The following KANSL1L variants were observed in gnomAD, a reference collection of about 807,000 sequenced individuals.
KANSL1L encodes the protein KAT8 regulatory NSL complex subunit 1-like protein.
A neutral mutation model predicts 108.6 loss-of-function variants in KANSL1L; 25 were observed. The observed-to-expected ratio is 0.23, with a 90% CI of 0.17 to 0.32. KANSL1L has a LOEUF of 0.32. Among genes scored for constraint, KANSL1L ranks in the 10% least tolerant of loss-of-function variants. The pLI is 1.00. For missense variants in KANSL1L, 1,137 were observed against 1,125.7 expected (o/e 1.01, Z -0.14); for synonymous variants, 405 against 395.1 (o/e 1.03, Z -0.30).
chr2:210,058,350 A>G (rs1261908003), intron 6 of KANSL1L, among the ~76,000 whole-genome samples: 1 of 152,120 alleles, frequency 6.6e-6, no homozygotes, highest in African/African-American at 2.4e-5. Flanking sequence ...TCCTGATAAG[A>G]TGTTATCAAT....
At chr2:210,032,807 C>G (rs1176041056) in intron 8 of KANSL1L, 1 of 152,048 alleles carries the variant, frequency 6.6e-6, no homozygotes, top group Non-Finnish European at 1.5e-5. Flanking sequence ...AATCTGAATA[C>G]CAACACAATC....
intron 8 of KANSL1L, among the ~76,000 whole-genome samples, chr2:210,035,465 A>G (rs913977644): frequency 6.6e-6 from 1 of 152,132 alleles, no homozygotes; most frequent in African/African-American, 2.4e-5. Flanking sequence ...ATGCCAAGTT[A>G]TTTGTAGATA....
rs561622974 is a variant in KANSL1L at position 210,138,290 on chromosome 2, C to T, written c.1089-9118G>A. Among the ~76,000 whole-genome samples, 4 of 150,352 alleles carry T rather than the reference C, an allele frequency of 2.7e-5. No individual in the cohort carries two copies. The East Asian group carries it at 5.9e-4, about 22-fold the overall frequency. On this transcript the variant is annotated intron_variant, in intron 2 of 14. Transcript: ENST00000281772. ...TGGGTAAACATAGACATAAAGATGGCAACGATAGACACTGGGGACTAATGG... is the reference window on the plus strand; with the variant it reads ...TGGGTAAACATAGACATAAAGATGGTAACGATAGACACTGGGGACTAATGG...
At chr2:210,097,429 C>A in intron 5 of KANSL1L, 2 of 375,090 alleles carry the variant, frequency 5.3e-6, no homozygotes, top group Non-Finnish European at 7.3e-6. Context: ...AAAAATTAGA[C>A]AATGCACACA....
In KANSL1L at chr2:210,022,627, T is replaced by C; in HGVS notation, c.*322A>G. The C allele has an allele frequency of 3.5e-6, 1 of 285,328 alleles. No homozygotes were observed. 17.7% of individuals were successfully genotyped at this position (285,328 alleles called of 1,614,324 possible). A position where few individuals can be genotyped will look rare whatever the true frequency, so the allele number is the denominator to read the frequency against. On this transcript the variant is annotated 3_prime_UTR_variant, in exon 15 of 15. Coordinates refer to ENST00000281772, the MANE Select transcript of KANSL1L (RefSeq NM_152519.4). ...GTATGTATGTGTATATATATATGTA[T>C]GTATGTATGGTGTGGGTACATAGTC...
At chr2:210,090,924 A>G (rs1173053430) in intron 5 of KANSL1L, among the ~76,000 whole-genome samples, 1 of 152,220 alleles carries the variant, frequency 6.6e-6, no homozygotes, top group Non-Finnish European at 1.5e-5. Context: ...TAATGTTTGT[A>G]TTAATTTACA....
At chr2:210,055,719 C>T (rs1209934426) in intron 6 of KANSL1L, among the ~76,000 whole-genome samples, 2 of 152,090 alleles carry the variant, frequency 1.3e-5, no homozygotes, top group African/African-American at 4.8e-5. Flanking sequence ...TACTCCTGGC[C>T]AAGAGATCTG....
At chr2:210,041,554 G>A (rs560169894) in intron 7 of KANSL1L, among the ~76,000 whole-genome samples, 2 of 152,258 alleles carry the variant, frequency 1.3e-5, no homozygotes, top group South Asian at 4.2e-4. Flanking sequence ...TCCCACCTCA[G>A]CCTCTCAAGT....
chr2:210,052,100 C>T lies in KANSL1L; in HGVS notation c.1756-7996G>A, dbSNP rs536118200. Among the ~76,000 whole-genome samples the T allele has an allele frequency of 4.6e-4, 69 of 150,898 alleles. 1 individual carries two copies. The highest frequency in any genetic ancestry group is 7.7e-4 in the Non-Finnish European group (52 of 67,862). ...ACTCACTGCAGCCTCTACTGCCTGG[C>T]TCAAGCAATCCTCCCACCTTATCCT... On this transcript the variant is annotated intron_variant, in intron 6 of 14. Transcript: ENST00000281772.
Position 210,027,227 on chromosome 2 carries a change from G to T in KANSL1L, c.2451+69C>A, listed in dbSNP as rs1028799091. On this transcript the variant is annotated intron_variant, in intron 12 of 14. Coordinates refer to ENST00000281772, the MANE Select transcript of KANSL1L (RefSeq NM_152519.4). ...GGCTTATATATTCCTTTAGTTCCCT[G>T]AATGTCAAAGTAAGCAGGTTTCATA... 1.1e-5 allele frequency: 11 copies of T among 1,023,030 alleles called. No homozygotes were observed. In the African/African-American group the frequency reaches 1.7e-4, roughly 16 times the overall value. The allele number at this position is 1,023,030 out of a possible 1,614,324, so 63.4% of individuals were successfully genotyped here.
intron 8 of KANSL1L, among the ~76,000 whole-genome samples, chr2:210,035,612 G>A (rs997640677): frequency 5.3e-5 from 8 of 152,048 alleles, no homozygotes; most frequent in Non-Finnish European, 1.2e-4. Context: ...CCGAGTAGCT[G>A]GGACCACAGG....
intron 5 of KANSL1L, among the ~76,000 whole-genome samples, chr2:210,081,378 A>C (rs540075567): frequency 6.6e-6 from 1 of 152,140 alleles, no homozygotes; most frequent in South Asian, 2.1e-4. Flanking sequence ...ATTTCCAATA[A>C]TCATCTAACT....
intron 12 of KANSL1L, among the ~76,000 whole-genome samples, chr2:210,025,903 A>G (rs1050878532): frequency 6.6e-6 from 1 of 152,146 alleles, no homozygotes; most frequent in African/African-American, 2.4e-5. Context: ...ATGAGTTCGT[A>G]ATACTTTCCA....
chr2:210,121,701 A>G (rs1158253962), intron 3 of KANSL1L, among the ~76,000 whole-genome samples: 2 of 152,170 alleles, frequency 1.3e-5, no homozygotes, highest in South Asian at 4.1e-4. Flanking sequence ...AATTTTTTAA[A>G]AAAGAAAAAG....
chr2:210,121,841 T>C (rs2095024292), intron 3 of KANSL1L, among the ~76,000 whole-genome samples: 1 of 152,174 alleles, frequency 6.6e-6, no homozygotes. Context: ...ATTCAGTAAG[T>C]TGCAGGATAC....
chr2:210,029,681 A>G, intron 10 of KANSL1L, 122 bp downstream of exon 10: 1 of 483,396 alleles, frequency 2.1e-6, no homozygotes, highest in Non-Finnish European at 3.6e-6. Flanking sequence ...CAAGATAGTT[A>G]TAAATGTCTG....
chr2:210,067,383 G>A (rs2094473802), intron 6 of KANSL1L, among the ~76,000 whole-genome samples: 2 of 152,184 alleles, frequency 1.3e-5, no homozygotes, highest in Non-Finnish European at 1.5e-5. Flanking sequence ...TCCTAAGAGT[G>A]GAATTGCTGG....
chr2:210,106,612 T>C (rs910511262), intron 3 of KANSL1L, among the ~76,000 whole-genome samples: 4 of 151,752 alleles, frequency 2.6e-5, no homozygotes, highest in Non-Finnish European at 5.9e-5. Flanking sequence ...CTACTAACAG[T>C]ACAAAAATTG....
At chr2:210,023,283 C>T (rs1234844396) in intron 14 of KANSL1L, 104 bp from the exon 15 acceptor site, 2 of 764,972 alleles carry the variant, frequency 2.6e-6, no homozygotes, top group Non-Finnish European at 4.3e-6. Context: ...TTGTTCTGTT[C>T]TTTAGCACAT....
Sources: gnomAD v4.1 joint callset for allele counts (sites outside exome capture counted in the v4.1 genomes callset) on GRCh38, gnomAD v4.1.1 for gene constraint, MANE v1.5 for transcripts, NCBI Gene and HGNC (gene_info 2026-07-23, HGNC 2026-07-21) for gene names.